CDH2: variants seen among roughly 807,000 people sequenced by gnomAD.
CDH2 encodes the protein cadherin-2.
In CDH2, 17 loss-of-function variants were observed where a neutral mutation model predicts 92.0. The observed-to-expected ratio is 0.18, with a 90% CI of 0.13 to 0.28. The LOEUF is 0.28. CDH2 is among the 10% of genes least tolerant of loss of function. CDH2 has a pLI of 1.00. For synonymous variants in CDH2, 419 were observed against 415.9 expected (o/e 1.01, Z -0.09); for missense variants, 862 against 1,133.1 (o/e 0.76, Z 3.44).
intron 14 of CDH2, among the ~76,000 whole-genome samples, chr18:27,982,367 T>G (rs1038120068): frequency 9.2e-5 from 14 of 152,188 alleles, no homozygotes; most frequent in Non-Finnish European, 1.9e-4. Flanking sequence ...TTCTGACATC[T>G]ATTGAATAAC....
At position 28,011,910 on chromosome 18, in the gene CDH2, C is replaced by T. The variant is rs1395522862; in HGVS notation, c.482G>A (p.Trp161Ter). The change falls in exon 4 of 16, where the codon TGG becomes TAG. Residue 161 changes from tryptophan (W) to a stop codon, truncating the protein, a stop_gained. Coordinates refer to ENST00000269141, the MANE Select transcript of CDH2 (RefSeq NM_001792.5). LOFTEE classifies it high-confidence loss of function. ...TGGCAAGTTGATTGGAGGGATGACC[C>T]AGTCTCTCTTCTGCCTTTGTAGGTG... Reference protein sequence around the residue: ...SGHLQRQKRDWVIPPINLPEN... With the variant: ...SGHLQRQKRD The T allele has an allele frequency of 6.2e-7, 1 of 1,613,830 alleles. No individual in the cohort carries two copies. Among genetic ancestry groups the T allele is most frequent in the African/African-American group, 1.3e-5 (1 of 74,902 alleles).
intron 2 of CDH2, among the ~76,000 whole-genome samples, chr18:28,051,885 A>C (rs1458931342): frequency 1.3e-5 from 2 of 152,176 alleles, no homozygotes; most frequent in Non-Finnish European, 2.9e-5. Context: ...AAAAAGAGAG[A>C]AAAGTACAAA....
chr18:28,162,603 T>C (rs2016322719), intron 1 of CDH2, among the ~76,000 whole-genome samples: 1 of 152,184 alleles, frequency 6.6e-6, no homozygotes. Context: ...AACTGAGATC[T>C]TTTAAATCCT....
At chr18:27,971,169 G>C (rs950500811) in intron 14 of CDH2, among the ~76,000 whole-genome samples, 1 of 152,008 alleles carries the variant, frequency 6.6e-6, no homozygotes, top group Non-Finnish European at 1.5e-5. Flanking sequence ...CTGGGAGGCA[G>C]AGGTTGCAGT....
At chr18:27,944,564 G>A (rs764623916) in intron 6 of CDH2, among the ~76,000 whole-genome samples, 70 of 151,926 alleles carry the variant, frequency 4.6e-4, no homozygotes, top group Non-Finnish European at 4.7e-4. Flanking sequence ...TCACAAACAT[G>A]TTCTAATCAA....
intron 14 of CDH2, among the ~76,000 whole-genome samples, chr18:27,974,586 G>A (rs1245123328): frequency 6.6e-6 from 1 of 152,180 alleles, no homozygotes; most frequent in Admixed American, 6.5e-5. Flanking sequence ...GTTGGTATGA[G>A]GTATTGCTAC....
rs2144034072 is a variant in CDH2, at chr18:28,011,854, G to A, written c.538C>T (p.Leu180Phe). Reference protein sequence around the residue: ...ENSRGPFPQELVRIRSDRDKN... With the variant: ...ENSRGPFPQEFVRIRSDRDKN... ...AAATTGTGCCACCTTACCCTGACAA[G>A]CTCTTGAGGAAAAGGTCCCCTGGAG... Residue 180 changes from leucine (L) to phenylalanine (F), a missense_variant, in exon 4 of 16, where the codon CTT becomes TTT. Physicochemically the swap from Leu to Phe is conservative, Grantham distance 22. Around this residue, in one of 5 missense-constraint regions of CDH2, gnomAD observed 21 missense variants for 61.8 expected, o/e 0.34. Coordinates refer to ENST00000269141, the MANE Select transcript of CDH2 (RefSeq NM_001792.5). 6.2e-7 allele frequency: 1 copy of A among 1,613,990 alleles called. No homozygotes were observed. The highest frequency in any genetic ancestry group is 8.5e-7 in the Non-Finnish European group (1 of 1,179,890).
chr18:28,054,766 A>G (rs960235061), intron 2 of CDH2, among the ~76,000 whole-genome samples: 6 of 152,184 alleles, frequency 3.9e-5, no homozygotes, highest in African/African-American at 1.4e-4. Flanking sequence ...ATCCTGTAAA[A>G]TGGGAAACTT....
intron 14 of CDH2, among the ~76,000 whole-genome samples, chr18:27,971,512 G>C (rs970970037): frequency 1.3e-5 from 2 of 152,134 alleles, no homozygotes; most frequent in African/African-American, 4.8e-5. Context: ...TGAAGGAAAA[G>C]TCATATGCAA....
intron 2 of CDH2, among the ~76,000 whole-genome samples, chr18:28,018,832 G>A (rs1392258476): frequency 6.6e-6 from 1 of 150,514 alleles, no homozygotes; most frequent in Non-Finnish European, 1.5e-5. Context: ...CTACCCAGAG[G>A]AAAAGAAGTC....
intron 2 of CDH2, among the ~76,000 whole-genome samples, chr18:28,071,240 C>A (rs1039828758): frequency 2.0e-5 from 3 of 152,116 alleles, no homozygotes; most frequent in African/African-American, 7.2e-5. Context: ...CTTTCTCTCT[C>A]TCTTTTTCCC....
intron 2 of CDH2, among the ~76,000 whole-genome samples, chr18:28,034,509 G>C (rs1176430530): frequency 6.6e-6 from 1 of 151,998 alleles, no homozygotes; most frequent in Non-Finnish European, 1.5e-5. Flanking sequence ...AGGAACTACA[G>C]ATGAAAGAGC....
At chr18:28,022,106 C>T (rs796323700) in intron 2 of CDH2, among the ~76,000 whole-genome samples, 6 of 151,980 alleles carry the variant, frequency 3.9e-5, no homozygotes, top group Admixed American at 1.3e-4. Flanking sequence ...CACCACATAA[C>T]GAATTTGCTC....
intron 14 of CDH2, among the ~76,000 whole-genome samples, chr18:27,965,990 GAAAAAAAA>G (rs373927434): frequency 1.4e-4 from 8 of 58,660 alleles, no homozygotes; most frequent in Non-Finnish European, 1.5e-4. Context: ...TGTCTAAAAG[GAAAAAAAA>G]AAAAAAAAAA....
At chr18:28,162,077 T>C (rs534096795) in intron 1 of CDH2, among the ~76,000 whole-genome samples, 1 of 152,346 alleles carries the variant, frequency 6.6e-6, no homozygotes, top group African/African-American at 2.4e-5. Flanking sequence ...TGGTTCTCTA[T>C]GTACTGATTC....
chr18:28,078,193 G>T (rs1205793703), intron 2 of CDH2, among the ~76,000 whole-genome samples: 1 of 152,058 alleles, frequency 6.6e-6, no homozygotes. Flanking sequence ...TGCTTCTCAA[G>T]ATACATTCTG....
intron 13 of CDH2, 95 bp from the exon 14 acceptor site, chr18:27,983,178 T>G: frequency 2.3e-6 from 2 of 884,832 alleles, no homozygotes; most frequent in East Asian, 2.7e-5. Context: ...TATACTTATA[T>G]GAACTGAAGG....
chr18:28,085,162 A>C (rs1262622452), intron 2 of CDH2, among the ~76,000 whole-genome samples: 1 of 151,836 alleles, frequency 6.6e-6, no homozygotes, highest in Admixed American at 6.6e-5. Flanking sequence ...TCCTTTTTTC[A>C]ATTTTTCTCT....
intron 2 of CDH2, chr18:28,045,537 C>A (rs1224336495): frequency 4.8e-6 from 2 of 420,222 alleles, no homozygotes; most frequent in Admixed American, 2.7e-5. Flanking sequence ...TGGAACACAT[C>A]CAACTGTTTC....
Sources: allele counts gnomAD v4.1 joint callset (sites outside exome capture counted in the v4.1 genomes callset), GRCh38; gene constraint gnomAD v4.1.1; regional missense constraint gnomAD v4.1.1; transcripts MANE v1.5; gene names NCBI Gene and HGNC (gene_info 2026-07-23, HGNC 2026-07-21).